ZFPM2: variants seen among roughly 807,000 people sequenced by gnomAD.
The protein encoded by ZFPM2 is zinc finger protein ZFPM2.
A neutral mutation model predicts 98.6 loss-of-function variants in ZFPM2; 20 were observed. That is an observed-to-expected ratio of 0.20 (90% CI 0.14 to 0.29). ZFPM2 has a LOEUF of 0.29. ZFPM2 is among the 10% of genes least tolerant of loss of function. ZFPM2 has a pLI of 1.00. For missense variants in ZFPM2, 1,310 were observed against 1,388.6 expected, an observed-to-expected ratio of 0.94 and a Z score of 0.90; for synonymous variants, 518 against 502.7, an observed-to-expected ratio of 1.03 and a Z score of -0.41.
intron 5 of ZFPM2, among the ~76,000 whole-genome samples, chr8:105,704,630 T>G (rs1218066889): frequency 1.3e-5 from 2 of 152,172 alleles, no homozygotes; most frequent in Non-Finnish European, 2.9e-5. Flanking sequence ...GCGGGTGTGT[T>G]GCATTTAATT....
chr8:105,585,966 G>T (rs1815703141), intron 4 of ZFPM2, among the ~76,000 whole-genome samples: 1 of 151,550 alleles, frequency 6.6e-6, no homozygotes, highest in African/African-American at 2.4e-5. Context: ...CATGAGTTAG[G>T]AGGGGTCAGG....
In ZFPM2 at chr8:105,459,036, C is replaced by T. The variant is rs576143132; in HGVS notation, c.301+14655C>T. Among the ~76,000 whole-genome samples, 208 of 152,208 alleles carry T rather than the reference C, an allele frequency of 1.4e-3. 2 individuals are homozygous for T. The highest frequency in any genetic ancestry group is 4.7e-3 in the African/African-American group (196 of 41,532). ...CTGGGCATGAAAAATATTCTACAAA[C>T]CATTTTCTTATTATTAAAGAAGTCA... On this transcript the variant is annotated intron_variant, in intron 3 of 7. Coordinates refer to ENST00000407775, the MANE Select transcript of ZFPM2 (RefSeq NM_012082.4).
chr8:105,694,206 T>G (rs1033527268), intron 5 of ZFPM2, among the ~76,000 whole-genome samples: 1 of 151,972 alleles, frequency 6.6e-6, no homozygotes, highest in African/African-American at 2.4e-5. Flanking sequence ...CAGGATGGTC[T>G]CAATCTCCTG....
chr8:105,691,410 G>A lies in ZFPM2; in HGVS notation c.532+57053G>A, dbSNP rs555414353. On this transcript the variant is annotated intron_variant, in intron 5 of 7. Transcript: ENST00000407775. Reference sequence around the variant, plus strand: ...ACTACGGGCGCCCGCCACCGCGCCCGGCTAATTTTTTGTATTTTTAGTAGA... The same window carrying A: ...ACTACGGGCGCCCGCCACCGCGCCCAGCTAATTTTTTGTATTTTTAGTAGA... Among the ~76,000 whole-genome samples the A allele has an allele frequency of 9.9e-5, 14 of 141,230 alleles. 1 individual carries two copies. Among genetic ancestry groups the A allele is most frequent in the East Asian group, 4.0e-4 (2 of 4,968 alleles). The allele number at this position is 141,230 out of a possible 152,430, so 92.7% of individuals were successfully genotyped here. A position where few individuals can be genotyped will look rare whatever the true frequency, so the allele number is the denominator to read the frequency against.
In ZFPM2 at chr8:105,801,821, A is replaced by C. The variant is rs1432638895; in HGVS notation, c.1739A>C (p.Lys580Thr). ...AGCAGCCGATGGCAGCAGATGGCTA[A>C]GTCCCCAGAGTTCCCTAGTGTGTCA... Reference protein sequence around the residue: ...YCSSRWQQMAKSPEFPSVSEK... With the variant: ...YCSSRWQQMATSPEFPSVSEK... Residue 580 changes from lysine (K) to threonine (T), a missense_variant, in exon 8 of 8, where the codon AAG (lysine) becomes ACG (threonine). Lys to Thr is a moderately conservative substitution (Grantham distance 78, BLOSUM62 -1). Transcript: ENST00000407775. 9 of 1,613,888 alleles carry C rather than the reference A, an allele frequency of 5.6e-6. No homozygotes were observed. In the African/African-American group the frequency reaches 1.2e-4, roughly 22 times the overall value.
At chr8:105,594,289 A>G (rs1185675236) in intron 4 of ZFPM2, among the ~76,000 whole-genome samples, 1 of 152,048 alleles carries the variant, frequency 6.6e-6, no homozygotes, top group Non-Finnish European at 1.5e-5. Flanking sequence ...TCAAACATTA[A>G]TTTCTAGAAG....
intron 5 of ZFPM2, among the ~76,000 whole-genome samples, chr8:105,714,663 A>G (rs759604785): frequency 1.3e-5 from 2 of 152,046 alleles, no homozygotes; most frequent in Non-Finnish European, 2.9e-5. Context: ...ATACCATATA[A>G]TGTATGCTAC....
intron 5 of ZFPM2, among the ~76,000 whole-genome samples, chr8:105,649,629 T>G (rs1229583845): frequency 6.6e-6 from 1 of 152,212 alleles, no homozygotes; most frequent in Non-Finnish European, 1.5e-5. Context: ...TCTGCATCTA[T>G]TGAGATAGTC....
intron 5 of ZFPM2, among the ~76,000 whole-genome samples, chr8:105,765,376 C>T (rs1812833984): frequency 6.6e-6 from 1 of 151,830 alleles, no homozygotes; most frequent in Admixed American, 6.6e-5. Context: ...AGCTGATCTT[C>T]AGTTCTGCAT....
intron 5 of ZFPM2, among the ~76,000 whole-genome samples, chr8:105,644,552 C>G (rs1056329258): frequency 4.6e-5 from 7 of 151,976 alleles, no homozygotes; most frequent in Admixed American, 2.0e-4. Flanking sequence ...ACCCCCATCA[C>G]CACCATTTCT....
At chr8:105,322,557 G>A (rs569482340) in intron 1 of ZFPM2, among the ~76,000 whole-genome samples, 1 of 151,822 alleles carries the variant, frequency 6.6e-6, no homozygotes, top group Admixed American at 6.6e-5. Flanking sequence ...ATAAGATTAG[G>A]AAAAGGCACT....
At position 105,419,320 on chromosome 8, in the gene ZFPM2, G is replaced by T; in HGVS notation, c.199+18G>T. 6.2e-7 allele frequency: 1 copy of T among 1,611,174 alleles called. No homozygotes were observed. ...TAACAAAGGTAATTGTTGATGGTTG[G>T]ATGTAATATGTGAGTCCACTTAAAT... On this transcript the variant is annotated intron_variant, in intron 2 of 7. Coordinates refer to ENST00000407775, the MANE Select transcript of ZFPM2 (RefSeq NM_012082.4).
At chr8:105,681,774 T>G (rs925785754) in intron 5 of ZFPM2, among the ~76,000 whole-genome samples, 1 of 152,098 alleles carries the variant, frequency 6.6e-6, no homozygotes, top group African/African-American at 2.4e-5. Context: ...CCAAAGGACA[T>G]TAGGGGAAAC....
intron 5 of ZFPM2, among the ~76,000 whole-genome samples, chr8:105,728,999 A>G (rs1228599475): frequency 2.6e-5 from 4 of 151,666 alleles, no homozygotes; most frequent in Admixed American, 2.0e-4. Flanking sequence ...CTGAGAACAT[A>G]TGGTTACTAA....
In ZFPM2 at chr8:105,594,631, C is replaced by G. The variant is rs990987841; in HGVS notation, c.420+33150C>G. On this transcript the variant is annotated intron_variant, in intron 4 of 7. Coordinates refer to ENST00000407775, the MANE Select transcript of ZFPM2 (RefSeq NM_012082.4). ...TTAACACATGAGAAAACTGAGGTTTCAGACACTCCTCAAAAAGCGCAAAGC... is the reference window on the plus strand; with the variant it reads ...TTAACACATGAGAAAACTGAGGTTTGAGACACTCCTCAAAAAGCGCAAAGC... 2.2e-4 allele frequency among the ~76,000 whole-genome samples: 33 copies of G among 152,024 alleles called. 1 individual carries two copies. The highest frequency in any genetic ancestry group is 2.0e-3 in the Admixed American group (31 of 15,238).
At chr8:105,489,444 G>GTT (rs869285056) in intron 3 of ZFPM2, among the ~76,000 whole-genome samples, 4 of 123,144 alleles carry the variant, frequency 3.2e-5, no homozygotes, top group African/African-American at 1.0e-4. Context: ...ATAGATATAT[G>GTT]TTTTTATATA....
At chr8:105,671,577 C>T (rs1007561194) in intron 5 of ZFPM2, among the ~76,000 whole-genome samples, 1 of 151,916 alleles carries the variant, frequency 6.6e-6, no homozygotes, top group African/African-American at 2.4e-5. Flanking sequence ...ATTCATGCAT[C>T]TTTCCATTTT....
At chr8:105,561,114 A>C (rs530130723) in intron 3 of ZFPM2, among the ~76,000 whole-genome samples, 2 of 152,312 alleles carry the variant, frequency 1.3e-5, no homozygotes, top group South Asian at 4.1e-4. Context: ...AACTAAAAAG[A>C]ATTGGCTTCA....
intron 2 of ZFPM2, among the ~76,000 whole-genome samples, chr8:105,420,324 G>C (rs536889159): frequency 6.6e-6 from 1 of 151,984 alleles, no homozygotes; most frequent in South Asian, 2.1e-4. Flanking sequence ...ATATCTTGGT[G>C]GCCATGTATA....
Sources: gnomAD v4.1 joint callset for allele counts (sites outside exome capture counted in the v4.1 genomes callset) on GRCh38, gnomAD v4.1.1 for gene constraint, MANE v1.5 for transcripts, NCBI Gene and HGNC (gene_info 2026-07-23, HGNC 2026-07-21) for gene names.